PPM1H: variants seen among roughly 807,000 people sequenced by gnomAD.
The protein encoded by PPM1H is protein phosphatase, Mg2+/Mn2+ dependent 1H.
A neutral mutation model predicts 54.9 loss-of-function variants in PPM1H; 27 were observed. The ratio of observed to expected loss-of-function variants is 0.49; its 90% CI spans 0.36 to 0.68. The LOEUF (loss-of-function observed/expected upper bound fraction) is 0.68. Among genes scored for constraint, PPM1H ranks in the 30% least tolerant of loss-of-function variants. The pLI is 0.00. For synonymous variants in PPM1H, 305 were observed against 270.8 expected, an observed-to-expected ratio of 1.13 and a Z score of -1.24; for missense variants, 596 against 667.8, an observed-to-expected ratio of 0.89 and a Z score of 1.19.
intron 6 of PPM1H, among the ~76,000 whole-genome samples, chr12:62,699,322 G>T (rs754537471): frequency 2.6e-5 from 4 of 152,092 alleles, no homozygotes; most frequent in African/African-American, 7.2e-5. Flanking sequence ...TCAGCATCCC[G>T]AGTAGCTGGG....
At position 62,676,566 on chromosome 12, in the gene PPM1H, C is replaced by T. The variant is rs111964393; in HGVS notation, c.1246-9237G>A. ...AGTGTCTGTTCCTGCTGCCTGGCCT[C>T]TCTCAGCTCCCAGTGCCTACTCCAG... On this transcript the variant is annotated intron_variant, in intron 8 of 9. Coordinates refer to ENST00000228705, the MANE Select transcript of PPM1H (RefSeq NM_020700.2). Among the ~76,000 whole-genome samples, 343 of 152,316 alleles carry T rather than the reference C, an allele frequency of 2.3e-3. 1 individual carries two copies. Among genetic ancestry groups the T allele is most frequent in the African/African-American group, 7.7e-3 (322 of 41,566 alleles).
intron 1 of PPM1H, among the ~76,000 whole-genome samples, chr12:62,917,589 T>TCCC (rs1453498811): frequency 6.6e-6 from 1 of 152,176 alleles, no homozygotes; most frequent in African/African-American, 2.4e-5. Flanking sequence ...TTGAAGCATA[T>TCCC]CCCCCTTCCA....
intron 6 of PPM1H, among the ~76,000 whole-genome samples, chr12:62,706,967 T>C (rs1320998072): frequency 6.6e-6 from 1 of 152,240 alleles, no homozygotes; most frequent in Non-Finnish European, 1.5e-5. Flanking sequence ...AAGATCACTA[T>C]AGAATTAGAT....
chr12:62,875,464 T>C (rs1870127943), intron 1 of PPM1H, among the ~76,000 whole-genome samples: 1 of 152,158 alleles, frequency 6.6e-6, no homozygotes, highest in South Asian at 2.1e-4. Flanking sequence ...GAAAGGTACA[T>C]TCACTCAGAA....
Position 62,647,733 on chromosome 12 carries a change from T to C in PPM1H, c.*756A>G, listed in dbSNP as rs1265567005. The C allele has an allele frequency of 5.9e-5, 9 of 152,364 alleles. No individual in the cohort carries two copies. Among genetic ancestry groups the C allele is most frequent in the African/African-American group, 1.9e-4 (8 of 41,542 alleles). 9.4% of individuals were successfully genotyped at this position (152,364 alleles called of 1,614,324 possible). The stretch of plus-strand genomic sequence containing the variant: ...CAAACATTACACAACAAAGACCCTC[T>C]GTCATGCAGGGCACTGGCCCGGATG... On this transcript the variant is annotated 3_prime_UTR_variant, in exon 10 of 10. Coordinates refer to ENST00000228705, the MANE Select transcript of PPM1H (RefSeq NM_020700.2).
chr12:62,822,591 A>C lies in PPM1H; in HGVS notation c.411+9523T>G, dbSNP rs1041406375. On this transcript the variant is annotated intron_variant, in intron 2 of 9. Coordinates refer to ENST00000228705, the MANE Select transcript of PPM1H (RefSeq NM_020700.2). ...ATTAGAACTCAGGATTAAGAAACTCACTCAAAACCGCTCAACTACATGGAA... is the reference window on the plus strand; with the variant it reads ...ATTAGAACTCAGGATTAAGAAACTCCCTCAAAACCGCTCAACTACATGGAA... Among the ~76,000 whole-genome samples the C allele has an allele frequency of 2.6e-5, 4 of 152,312 alleles. No individual in the cohort carries two copies. In the South Asian group the frequency reaches 8.3e-4, roughly 32 times the overall value.
intron 1 of PPM1H, among the ~76,000 whole-genome samples, chr12:62,925,433 C>T (rs1355235955): frequency 6.6e-6 from 1 of 152,132 alleles, no homozygotes; most frequent in South Asian, 2.1e-4. Flanking sequence ...CAAAAATTAG[C>T]CAGGCGTGGT....
chr12:62,789,611 C>A (rs778213196), intron 3 of PPM1H, among the ~76,000 whole-genome samples: 1 of 152,226 alleles, frequency 6.6e-6, no homozygotes, highest in African/African-American at 2.4e-5. Context: ...ACTTTCTCTA[C>A]GTCACGTAGT....
At chr12:62,711,418 T>A (rs2076206353) in intron 6 of PPM1H, among the ~76,000 whole-genome samples, 1 of 152,230 alleles carries the variant, frequency 6.6e-6, no homozygotes, top group Non-Finnish European at 1.5e-5. Context: ...TAACTGCTAC[T>A]CAACATCTAC....
At chr12:62,802,942 G>A (rs568502247) in intron 2 of PPM1H, among the ~76,000 whole-genome samples, 1 of 152,090 alleles carries the variant, frequency 6.6e-6, no homozygotes, top group South Asian at 2.1e-4. Context: ...TTTGATCTGG[G>A]GCCTTGGAAA....
chr12:62,915,099 G>A (rs568676816), intron 1 of PPM1H, among the ~76,000 whole-genome samples: 5 of 152,300 alleles, frequency 3.3e-5, no homozygotes, highest in South Asian at 2.1e-4. Flanking sequence ...ATACAAGGGC[G>A]TTCACAATCT....
intron 2 of PPM1H, among the ~76,000 whole-genome samples, chr12:62,825,541 T>C (rs933844954): frequency 2.6e-5 from 4 of 152,168 alleles, no homozygotes; most frequent in African/African-American, 9.7e-5. Context: ...TACCACAGAA[T>C]ACTATGCAGC....
At chr12:62,929,064 G>A (rs552036636) in intron 1 of PPM1H, among the ~76,000 whole-genome samples, 1 of 152,264 alleles carries the variant, frequency 6.6e-6, no homozygotes, top group Non-Finnish European at 1.5e-5. Flanking sequence ...CAAATACTGA[G>A]ATTTAAAATT....
chr12:62,903,342 C>G (rs540348228), intron 1 of PPM1H, among the ~76,000 whole-genome samples: 1 of 152,256 alleles, frequency 6.6e-6, no homozygotes, highest in African/African-American at 2.4e-5. Context: ...CAGAGCTTGG[C>G]TAAAGACAAA....
chr12:62,900,892 A>T (rs190996408), intron 1 of PPM1H, among the ~76,000 whole-genome samples: 2 of 152,300 alleles, frequency 1.3e-5, no homozygotes, highest in Non-Finnish European at 2.9e-5. Flanking sequence ...TAATTTGAGC[A>T]TGCCTTTCTC....
At chr12:62,817,683 C>T (rs2120800324) in intron 2 of PPM1H, among the ~76,000 whole-genome samples, 1 of 152,200 alleles carries the variant, frequency 6.6e-6, no homozygotes, top group South Asian at 2.1e-4. Context: ...CAGAAGCAAC[C>T]TTCATTTCAT....
At chr12:62,764,542 ACAC>A (rs1450130504) in intron 4 of PPM1H, among the ~76,000 whole-genome samples, 1 of 152,206 alleles carries the variant, frequency 6.6e-6, no homozygotes, top group African/African-American at 2.4e-5. Context: ...AACCCCAGGA[ACAC>A]CACACTTTTA....
At chr12:62,923,131 G>A (rs952854025) in intron 1 of PPM1H, among the ~76,000 whole-genome samples, 39 of 152,236 alleles carry the variant, frequency 2.6e-4, no homozygotes, top group African/African-American at 9.4e-4. Flanking sequence ...TCTCAACTGA[G>A]GATGTCAAAG....
At chr12:62,873,241 G>A (rs1870048736) in intron 1 of PPM1H, among the ~76,000 whole-genome samples, 1 of 152,150 alleles carries the variant, frequency 6.6e-6, no homozygotes. Flanking sequence ...CCTTAGCACA[G>A]GCTACTGCCT....
Sources: gnomAD v4.1 joint callset for allele counts (sites outside exome capture counted in the v4.1 genomes callset) on GRCh38, gnomAD v4.1.1 for gene constraint, MANE v1.5 for transcripts, NCBI Gene and HGNC (gene_info 2026-07-23, HGNC 2026-07-21) for gene names.